Variants in TTLL10 observed in about 807,000 individuals in gnomAD.
TTLL10 encodes the protein tubulin tyrosine ligase like 10, also known as inactive polyglycylase TTLL10.
TTLL10 carries 61 observed loss-of-function variants against 69.0 expected under a neutral mutation model. That is an observed-to-expected ratio of 0.88 (90% CI 0.72 to 1.09). The LOEUF (loss-of-function observed/expected upper bound fraction) is 1.09. Ranked by LOEUF, TTLL10 falls within the 50% of genes least tolerant of loss-of-function variation. The pLI is 0.00. For missense variants in TTLL10, 962 were observed against 945.9 expected (o/e 1.02, Z -0.22); for synonymous variants, 408 against 393.3 (o/e 1.04, Z -0.44).
rs1557477839 is a variant in TTLL10, at chr1:1,180,929, GCA to G, written c.755+71_755+72del. On this transcript the variant is annotated intron_variant, in intron 8 of 15. Coordinates refer to ENST00000379289, the MANE Select transcript of TTLL10 (RefSeq NM_001130045.2). ...TACGCCTGCCCCTGCCCCTGCCCCT[GCA>G]CCCGCCCCACCCCTGCCCCTGCGCC... The G allele has an allele frequency of 1.3e-4, 167 of 1,258,410 alleles. No homozygotes were observed. In the African/African-American group the frequency reaches 3.2e-3, roughly 24 times the overall value. 78.0% of individuals were successfully genotyped at this position (1,258,410 alleles called of 1,614,324 possible).
At chr1:1,186,849 T>TG (rs1647364383) in intron 13 of TTLL10, among the ~76,000 whole-genome samples, 3 of 140,150 alleles carry the variant, frequency 2.1e-5, no homozygotes, top group East Asian at 7.3e-4. Flanking sequence ...GTTTGTTTTT[T>TG]GTTTTTTTTT....
rs1648333480 is a variant in TTLL10 at position 1,197,651 on chromosome 1, C to A, written c.1826C>A (p.Ala609Asp). 6.7e-7 allele frequency: 1 copy of A among 1,499,878 alleles called. No homozygotes were observed. The highest frequency in any genetic ancestry group is 2.2e-5 in the Admixed American group (1 of 46,082). The allele number at this position is 1,499,878 out of a possible 1,614,324, so 92.9% of individuals were successfully genotyped here. A position where few individuals can be genotyped will look rare whatever the true frequency, so the allele number is the denominator to read the frequency against. Residue 609 changes from alanine (A) to aspartate (D), a missense_variant, in exon 16 of 16, where the codon GCC (alanine) becomes GAC (aspartate). By Grantham distance (126) the Ala-to-Asp change is moderately radical (BLOSUM62 -2). Transcript: ENST00000379289. ...CCGCATGCCCCAGACCAGCCGGGCG[C>A]CCGCAGGCCTGCGCCACCTCCCTTG... ...PMPHAPDQPG[A>D]RRPAPPPLVP...
Position 1,183,938 on chromosome 1 carries a change from G to C in TTLL10, c.1107G>C (p.Leu369=). Residue 369 remains leucine, a synonymous_variant, in exon 12 of 16, where the codon CTG becomes CTC. Coordinates refer to ENST00000379289, the MANE Select transcript of TTLL10 (RefSeq NM_001130045.2). ...RVVQRYIQNP[L]LVDGRKFDVR... ...CCCCCAGGTACATCCAGAACCCGCT[G>C]CTGGTGGACGGGAGAAAGTTTGACG... 6.2e-7 allele frequency: 1 copy of C among 1,614,204 alleles called. No individual in the cohort carries two copies. Among genetic ancestry groups the C allele is most frequent in the Non-Finnish European group, 8.5e-7 (1 of 1,180,026 alleles).
chr1:1,188,388 G>A (rs1647497537), intron 13 of TTLL10, among the ~76,000 whole-genome samples: 3 of 151,676 alleles, frequency 2.0e-5, no homozygotes, highest in African/African-American at 2.4e-5. Context: ...CCATTTCTGG[G>A]GAAAAAGTCC....
Position 1,182,500 on chromosome 1 carries a change from C to T in TTLL10, c.916+54C>T, listed in dbSNP as rs573675351. 4.2e-4 allele frequency: 657 copies of T among 1,578,982 alleles called. 2 individuals are homozygous for T. In the African/African-American group the frequency reaches 7.4e-3, roughly 18 times the overall value. On this transcript the variant is annotated intron_variant, in intron 10 of 15. Transcript: ENST00000379289. ...TGGCCCTGGGGAGACAGGGTGAGGGCTGGACCAAGGCGGGGGCTGATGAGG... is the reference window on the plus strand; with the variant it reads ...TGGCCCTGGGGAGACAGGGTGAGGGTTGGACCAAGGCGGGGGCTGATGAGG...
chr1:1,175,728 C>A (rs753139348), intron 3 of TTLL10: 1 of 454,538 alleles, frequency 2.2e-6, no homozygotes, highest in Non-Finnish European at 4.4e-6. Context: ...GGCTGCTGCT[C>A]CCAGCTGCTG....
rs1482986009 is a variant in TTLL10, at chr1:1,181,290, A to G, written c.755+430A>G. ...CCCCAAACATCCATCCAATCCATCC[A>G]CAATCCCACACCGTGCCCACCGTCA... On this transcript the variant is annotated intron_variant, in intron 8 of 15. Coordinates refer to ENST00000379289, the MANE Select transcript of TTLL10 (RefSeq NM_001130045.2). This position sits in a 1 kb window ranked among gnomAD's most constrained non-coding sequence, Gnocchi z 4.6. Among the ~76,000 whole-genome samples, 1 of 151,214 alleles carries G rather than the reference A, an allele frequency of 6.6e-6. No individual in the cohort carries two copies. The highest frequency in any genetic ancestry group is 6.6e-5 in the Admixed American group (1 of 15,200).
At chr1:1,175,288 G>A (rs1004044313) in intron 3 of TTLL10, 3 of 206,016 alleles carry the variant, frequency 1.5e-5, no homozygotes, top group Non-Finnish European at 1.8e-5. Context: ...TGCTTCTTCT[G>A]CAGCAGAAGA....
Position 1,179,751 on chromosome 1 carries a change from G to C in TTLL10, c.199+14G>C, listed in dbSNP as rs974139677. ...ACTGCCCTGTTGGTGAGGAGGGTCG[G>C]AGGGGCGACCTCCCTGCCCCCTGCT... On this transcript the variant is annotated intron_variant, in intron 5 of 15. Coordinates refer to ENST00000379289, the MANE Select transcript of TTLL10 (RefSeq NM_001130045.2). 2 of 1,543,170 alleles carry C rather than the reference G, an allele frequency of 1.3e-6. No homozygotes were observed. The highest frequency in any genetic ancestry group is 1.7e-6 in the Non-Finnish European group (2 of 1,143,834).
intron 3 of TTLL10, among the ~76,000 whole-genome samples, chr1:1,178,419 G>A (rs543450940): frequency 1.3e-5 from 2 of 152,208 alleles, no homozygotes; most frequent in African/African-American, 4.8e-5. Flanking sequence ...AAGTTAGCTG[G>A]GCATGGTGGT....
chr1:1,176,497 C>T (rs1380643715), intron 3 of TTLL10: 32 of 433,468 alleles, frequency 7.4e-5, no homozygotes, highest in Non-Finnish European at 1.1e-4. Flanking sequence ...CCCGGAGGGA[C>T]GGATGTCTCC....
intron 13 of TTLL10, chr1:1,196,301 G>A (rs1648203361): frequency 1.3e-5 from 5 of 371,908 alleles, no homozygotes; most frequent in Non-Finnish European, 2.5e-5. Flanking sequence ...CAAGATTCGA[G>A]ATTTTACGTA....
chr1:1,178,765 G>A (rs983178687), intron 3 of TTLL10, among the ~76,000 whole-genome samples: 15 of 152,116 alleles, frequency 9.9e-5, no homozygotes, highest in African/African-American at 1.7e-4. Flanking sequence ...GGTACCAGGC[G>A]GCTGCACACA....
In TTLL10 at chr1:1,185,899, T is replaced by C. The variant is rs759424008; in HGVS notation, c.1401+790T>C. On this transcript the variant is annotated intron_variant, in intron 13 of 15. Coordinates refer to ENST00000379289, the MANE Select transcript of TTLL10 (RefSeq NM_001130045.2). This position sits in a 1 kb window ranked among gnomAD's most constrained non-coding sequence, Gnocchi z 6.1. ...TCAGTGGCTTTTAGTATTTCAAAAG[T>C]TGTGCAATTATCACCACCAATTCCA... The C allele has an allele frequency of 8.6e-6, 8 of 925,000 alleles. No individual in the cohort carries two copies. The Admixed American group carries it at 1.9e-4, about 21-fold the overall frequency. 57.3% of individuals were successfully genotyped at this position (925,000 alleles called of 1,614,324 possible).
intron 15 of TTLL10, 44 bp downstream of exon 15, chr1:1,197,230 G>T (rs1648285094): frequency 4.7e-6 from 7 of 1,492,806 alleles, no homozygotes; most frequent in Non-Finnish European, 5.4e-6. Flanking sequence ...AACCTGCCCA[G>T]TCTTGAATGC....
At chr1:1,194,840 A>T (rs535233073) in intron 13 of TTLL10, among the ~76,000 whole-genome samples, 1 of 151,916 alleles carries the variant, frequency 6.6e-6, no homozygotes, top group African/African-American at 2.4e-5. Context: ...TTTTTCATTA[A>T]ACTGGGAAGT....
chr1:1,180,254 G>A lies in TTLL10; in HGVS notation c.420G>A (p.Gly140=), dbSNP rs1647006186. 2 of 1,602,546 alleles carry A rather than the reference G, an allele frequency of 1.2e-6. No individual in the cohort carries two copies. The highest frequency in any genetic ancestry group is 2.3e-5 in the East Asian group (1 of 44,360). The change falls in exon 6 of 16, where the codon GGG becomes GGA. Residue 140 remains glycine (G), a synonymous_variant. Coordinates refer to ENST00000379289, the MANE Select transcript of TTLL10 (RefSeq NM_001130045.2). ...GGCCCTCAGCTGCCCTCCTGGAGGGGCTCCTGCTGGGGGGTGGGAAGCCAT... is the reference window on the plus strand; with the variant it reads ...GGCCCTCAGCTGCCCTCCTGGAGGGACTCCTGCTGGGGGGTGGGAAGCCAT... ...AAGPSAALLE[G]LLLGGGKPSP...
At chr1:1,194,590 G>T (rs1442554233) in intron 13 of TTLL10, among the ~76,000 whole-genome samples, 1 of 152,210 alleles carries the variant, frequency 6.6e-6, no homozygotes, top group Non-Finnish European at 1.5e-5. Flanking sequence ...GCTAGATGTA[G>T]AATTTTTGGT....
intron 13 of TTLL10, among the ~76,000 whole-genome samples, chr1:1,193,215 C>T (rs555643333): frequency 6.6e-6 from 1 of 152,154 alleles, no homozygotes; most frequent in East Asian, 2.0e-4. Context: ...GTCCCAGCTG[C>T]TCGGGAGGCT....
Sources: allele counts gnomAD v4.1 joint callset (sites outside exome capture counted in the v4.1 genomes callset), GRCh38; gene constraint gnomAD v4.1.1; non-coding constraint Gnocchi (gnomAD v3.1); transcripts MANE v1.5; gene names NCBI Gene and HGNC (gene_info 2026-07-23, HGNC 2026-07-21).